The following TMEM30A variants were observed in gnomAD, a reference collection of about 807,000 sequenced individuals.
TMEM30A encodes the protein cell cycle control protein 50A.
TMEM30A carries 24 observed loss-of-function variants against 38.2 expected under a neutral mutation model. The ratio of observed to expected loss-of-function variants is 0.63; its 90% confidence interval spans 0.46 to 0.88. The LOEUF (loss-of-function observed/expected upper bound fraction) is 0.88, where lower values mean the gene tolerates loss of function less well. Among genes scored for constraint, TMEM30A ranks in the 40% least tolerant of loss-of-function variants. TMEM30A has a pLI of 0.00. For synonymous variants in TMEM30A, 145 were observed against 161.6 expected (o/e 0.90, Z 0.78); for missense variants, 370 against 458.6 (o/e 0.81, Z 1.77).
At chr6:75,281,451 C>A (rs1297797217) in intron 1 of TMEM30A, among the ~76,000 whole-genome samples, 1 of 152,030 alleles carries the variant, frequency 6.6e-6, no homozygotes, top group Non-Finnish European at 1.5e-5. Context: ...CTATTAGCCT[C>A]ATTTTATTTA....
intron 2 of TMEM30A, among the ~76,000 whole-genome samples, chr6:75,265,743 C>T (rs1477330559): frequency 2.0e-5 from 3 of 151,702 alleles, no homozygotes; most frequent in Middle Eastern, 3.4e-3. Flanking sequence ...CTCCCAGAGA[C>T]TAGAGTCTTG....
chr6:75,275,344 A>T (rs1459152538), intron 1 of TMEM30A, among the ~76,000 whole-genome samples: 1 of 152,194 alleles, frequency 6.6e-6, no homozygotes, highest in Non-Finnish European at 1.5e-5. Flanking sequence ...CAAAATATGT[A>T]ACTCTAGTCT....
In TMEM30A at chr6:75,253,112, C is replaced by T. The variant is rs540640515; in HGVS notation, c.*2990G>A. The T allele has an allele frequency of 6.6e-6, 1 of 151,908 alleles. No individual in the cohort carries two copies. Among genetic ancestry groups the T allele is most frequent in the South Asian group, 2.1e-4 (1 of 4,808 alleles). The allele number at this position is 151,908 out of a possible 1,614,324, so 9.4% of individuals were successfully genotyped here. A position where few individuals can be genotyped will look rare whatever the true frequency, so the allele number is the denominator to read the frequency against. ...AAGGACCACTTCCCTACTCCCTCCA[C>T]CCTCCCCTCAAAATACCCATGTTCA... is the stretch of plus-strand genomic sequence containing the variant. On this transcript the variant is annotated 3_prime_UTR_variant, in exon 7 of 7. Coordinates refer to ENST00000230461, the MANE Select transcript of TMEM30A (RefSeq NM_018247.4).
intron 3 of TMEM30A, 102 bp downstream of exon 3, chr6:75,265,129 A>AGTTTGT: frequency 1.3e-6 from 1 of 747,358 alleles, no homozygotes; most frequent in Non-Finnish European, 2.0e-6. Flanking sequence ...TACAAACTAT[A>AGTTTGT]AATGACAACA....
intron 1 of TMEM30A, among the ~76,000 whole-genome samples, chr6:75,282,385 CA>C (rs1333789497): frequency 6.6e-6 from 1 of 152,110 alleles, no homozygotes; most frequent in East Asian, 1.9e-4. Context: ...TATTTTACTC[CA>C]AAACCCAAAG....
At chr6:75,280,614 TC>T (rs1772340825) in intron 1 of TMEM30A, among the ~76,000 whole-genome samples, 1 of 152,154 alleles carries the variant, frequency 6.6e-6, no homozygotes, top group Non-Finnish European at 1.5e-5. Flanking sequence ...TGTTAAATGT[TC>T]CTGGGCCACG....
chr6:75,260,249 C>A (rs1327858652), intron 4 of TMEM30A, among the ~76,000 whole-genome samples: 1 of 151,104 alleles, frequency 6.6e-6, no homozygotes, highest in African/African-American at 2.4e-5. Flanking sequence ...ACTAAAAATA[C>A]AAAAAAAATA....
In TMEM30A at chr6:75,284,392, C is replaced by T. The variant is rs1440587940; in HGVS notation, c.237+10G>A. ...CAACGCCAACTCCCACCACAGCTCC[C>T]TCCCCTCACCTCGATCTCGCGGATG... On this transcript the variant is annotated intron_variant, in intron 1 of 6. Transcript: ENST00000230461. 4.3e-6 allele frequency: 7 copies of T among 1,613,290 alleles called. No individual in the cohort carries two copies. The highest frequency in any genetic ancestry group is 5.9e-6 in the Non-Finnish European group (7 of 1,179,384).
In TMEM30A at chr6:75,258,769, A is replaced by C. The variant is rs558978106; in HGVS notation, c.892+11T>G. Reference sequence around the variant, plus strand: ...CTCTATGAATCTGTATACCCAGCCAAAAAAGGATACTGTATGTGACATTCA... The same window carrying C: ...CTCTATGAATCTGTATACCCAGCCACAAAAGGATACTGTATGTGACATTCA... On this transcript the variant is annotated intron_variant, in intron 6 of 6. Transcript: ENST00000230461. 1 of 1,613,078 alleles carries C rather than the reference A, an allele frequency of 6.2e-7. No homozygotes were observed. Among genetic ancestry groups the C allele is most frequent in the African/African-American group, 1.3e-5 (1 of 75,020 alleles).
chr6:75,270,972 T>C lies in TMEM30A; in HGVS notation c.238-3224A>G, dbSNP rs187450140. Among the ~76,000 whole-genome samples the C allele has an allele frequency of 4.5e-4, 69 of 152,344 alleles. 1 individual carries two copies. The highest frequency in any genetic ancestry group is 1.5e-3 in the Admixed American group (23 of 15,304). ...CCTATGTAATCTTTCATTAGACCTG[T>C]TGGGCCACAACTTTGCACCTGGGGC... On this transcript the variant is annotated intron_variant, in intron 1 of 6. Transcript: ENST00000230461.
Position 75,265,322 on chromosome 6 carries a change from T to C in TMEM30A, c.362A>G (p.Tyr121Cys). The C allele has an allele frequency of 6.2e-7, 1 of 1,603,906 alleles. No individual in the cohort carries two copies. Among genetic ancestry groups the C allele is most frequent in the Non-Finnish European group, 8.5e-7 (1 of 1,175,600 alleles). ...TTGATAGAAATTAGACAGTCCATAA[T>C]ACATAAACACGTTGCCCTAGAGAAA... ...EKSFEGNVFM[Y>C]YGLSNFYQNH... is the part of the protein sequence containing the mutation. The change falls in exon 3 of 7, where the codon TAT (tyrosine) becomes TGT (cysteine). Residue 121 changes from tyrosine (Y) to cysteine (C), a missense_variant. Coordinates refer to ENST00000230461, the MANE Select transcript of TMEM30A (RefSeq NM_018247.4).
chr6:75,272,649 C>T (rs1772192245), intron 1 of TMEM30A: 1 of 152,266 alleles, frequency 6.6e-6, no homozygotes, highest in Non-Finnish European at 1.5e-5. Flanking sequence ...AGCGCCCTTT[C>T]TGCAGAAAGT....
intron 1 of TMEM30A, chr6:75,284,145 A>G: frequency 1.8e-6 from 1 of 546,348 alleles, no homozygotes; most frequent in East Asian, 3.3e-5. Context: ...TCTGCATTAA[A>G]CATTCATTCC....
At chr6:75,275,458 C>G (rs1562397409) in intron 1 of TMEM30A, among the ~76,000 whole-genome samples, 1 of 152,120 alleles carries the variant, frequency 6.6e-6, no homozygotes, top group African/African-American at 2.4e-5. Context: ...ACTATTTATT[C>G]TGCTTCCCCC....
At chr6:75,263,906 T>C (rs1772016216) in intron 3 of TMEM30A, among the ~76,000 whole-genome samples, 1 of 152,124 alleles carries the variant, frequency 6.6e-6, no homozygotes, top group South Asian at 2.1e-4. Context: ...CATATATAAA[T>C]AAAATAATTG....
intron 1 of TMEM30A, among the ~76,000 whole-genome samples, chr6:75,283,616 C>T (rs931766727): frequency 1.3e-5 from 2 of 150,952 alleles, no homozygotes; most frequent in Non-Finnish European, 2.9e-5. Context: ...AGACAGTGCA[C>T]AACTTACTCC....
Position 75,275,348 on chromosome 6 carries a change from C to G in TMEM30A, c.238-7600G>C, listed in dbSNP as rs563218001. Among the ~76,000 whole-genome samples, 8 of 152,302 alleles carry G rather than the reference C, an allele frequency of 5.3e-5. No individual in the cohort carries two copies. The South Asian group carries it at 6.2e-4, about 12-fold the overall frequency. On this transcript the variant is annotated intron_variant, in intron 1 of 6. Coordinates refer to ENST00000230461, the MANE Select transcript of TMEM30A (RefSeq NM_018247.4). Reference sequence around the variant, plus strand: ...TGATTAACCCTCAAAATATGTAACTCTAGTCTCAACCTTCCCCTTGAACTC... The same window carrying G: ...TGATTAACCCTCAAAATATGTAACTGTAGTCTCAACCTTCCCCTTGAACTC...
At chr6:75,271,968 G>C (rs368403029) in intron 1 of TMEM30A, among the ~76,000 whole-genome samples, 7 of 152,174 alleles carry the variant, frequency 4.6e-5, no homozygotes, top group African/African-American at 1.7e-4. Flanking sequence ...AGATGGAAAA[G>C]AGAGAAAGAG....
At chr6:75,260,511 A>G (rs1771947749) in intron 4 of TMEM30A, among the ~76,000 whole-genome samples, 1 of 152,224 alleles carries the variant, frequency 6.6e-6, no homozygotes, top group South Asian at 2.1e-4. Context: ...GCTGCTCTAA[A>G]TGATCAACTA....
Sources: allele counts gnomAD v4.1 joint callset (sites outside exome capture counted in the v4.1 genomes callset), GRCh38; gene constraint gnomAD v4.1.1; transcripts MANE v1.5; gene names NCBI Gene and HGNC (gene_info 2026-07-23, HGNC 2026-07-21).